The following HTR4 variants were observed in gnomAD, a reference collection of about 807,000 sequenced individuals.
The protein encoded by HTR4 is 5-hydroxytryptamine receptor 4.
A neutral mutation model predicts 36.8 loss-of-function variants in HTR4; 16 were observed. The observed-to-expected ratio is 0.43, with a 90% CI of 0.29 to 0.66. HTR4 has a LOEUF of 0.66. HTR4 is among the 30% of genes least tolerant of loss of function. The pLI is 0.13. For missense variants in HTR4, 438 were observed against 490.9 expected (o/e 0.89, Z 1.02); for synonymous variants, 189 against 185.1 (o/e 1.02, Z -0.17).
At chr5:148,577,813 A>G (rs1760984935) in intron 2 of HTR4, among the ~76,000 whole-genome samples, 1 of 151,990 alleles carries the variant, frequency 6.6e-6, no homozygotes, top group African/African-American at 2.4e-5. Flanking sequence ...ACTGGGGTCT[A>G]CTTGAGGGTG....
chr5:148,529,011 G>A (rs186997234), intron 4 of HTR4, among the ~76,000 whole-genome samples: 112 of 150,750 alleles, frequency 7.4e-4, no homozygotes, highest in African/African-American at 2.7e-3. Context: ...ACACTTTTGA[G>A]ACAGGAACTG....
intron 4 of HTR4, among the ~76,000 whole-genome samples, chr5:148,535,781 T>A (rs200780241): frequency 6.6e-6 from 1 of 152,104 alleles, no homozygotes; most frequent in Non-Finnish European, 1.5e-5. Context: ...CTGAAAGGGA[T>A]GGGGAGAAAG....
At chr5:148,585,344 T>A (rs1761305953) in intron 2 of HTR4, among the ~76,000 whole-genome samples, 1 of 152,196 alleles carries the variant, frequency 6.6e-6, no homozygotes, top group Non-Finnish European at 1.5e-5. Context: ...TGTAGATTGG[T>A]CATGGAAGGC....
At chr5:148,604,459 C>T (rs1752059010) in intron 2 of HTR4, among the ~76,000 whole-genome samples, 1 of 152,076 alleles carries the variant, frequency 6.6e-6, no homozygotes, top group Non-Finnish European at 1.5e-5. Flanking sequence ...TCTTGCAAAG[C>T]TGAATATACA....
intron 2 of HTR4, among the ~76,000 whole-genome samples, chr5:148,594,469 A>G (rs548073241): frequency 6.6e-6 from 1 of 152,226 alleles, no homozygotes; most frequent in African/African-American, 2.4e-5. Context: ...GACCTTAAAG[A>G]TAATTTAGTT....
exon 6 of HTR4, chr5:148,451,117 T>G (rs201869859): frequency 6.2e-7 from 1 of 1,606,830 alleles, no homozygotes; most frequent in Non-Finnish European, 8.5e-7. Flanking sequence ...TCAGAAGTGA[T>G]GCCAGGGTGA....
intron 6 of HTR4, among the ~76,000 whole-genome samples, chr5:148,499,271 T>G (rs1756828815): frequency 6.6e-6 from 1 of 152,190 alleles, no homozygotes; most frequent in Non-Finnish European, 1.5e-5. Flanking sequence ...AACATTCTTT[T>G]CTGGAATAAT....
Position 148,509,575 on chromosome 5 carries a change from A to G in HTR4, c.957T>C (p.Phe319=). The G allele has an allele frequency of 1.2e-6, 2 of 1,614,078 alleles. No homozygotes were observed. Among genetic ancestry groups the G allele is most frequent in the Non-Finnish European group, 1.7e-6 (2 of 1,179,970 alleles). The change falls in exon 6 of 7, where the codon TTT becomes TTC. Residue 319 remains phenylalanine (F), a synonymous_variant. Transcript: ENST00000377888. The stretch of plus-strand genomic sequence containing the variant: ...AGAGGATGATGAGGAAGGCACGTCT[A>G]AAAGACTTATTCAAGAAGGCGTAGA... The part of the protein sequence containing the change: ...PFLYAFLNKS[F]RRAFLIILCC...
intron 2 of HTR4, among the ~76,000 whole-genome samples, chr5:148,554,851 T>C (rs978166695): frequency 6.6e-6 from 1 of 152,098 alleles, no homozygotes; most frequent in African/African-American, 2.4e-5. Context: ...TCTTTGTGTC[T>C]GTAATGTACT....
chr5:148,460,505 A>G (rs1755247132), intron 5 of HTR4, among the ~76,000 whole-genome samples: 1 of 132,174 alleles, frequency 7.6e-6, no homozygotes. Context: ...GTTGAGAGGA[A>G]AAAAAAATGG....
intron 2 of HTR4, among the ~76,000 whole-genome samples, chr5:148,623,369 T>C (rs1360312793): frequency 5.9e-5 from 9 of 152,090 alleles, no homozygotes; most frequent in Admixed American, 5.9e-4. Flanking sequence ...AGACAATGCC[T>C]GCTCTGTGGG....
At chr5:148,634,768 C>G (rs1240857742) in intron 2 of HTR4, among the ~76,000 whole-genome samples, 2 of 152,148 alleles carry the variant, frequency 1.3e-5, no homozygotes, top group Non-Finnish European at 2.9e-5. Context: ...ATCATGTCTC[C>G]TCCAAACTCC....
intron 4 of HTR4, among the ~76,000 whole-genome samples, chr5:148,536,876 G>C (rs968381561): frequency 6.6e-6 from 1 of 152,030 alleles, no homozygotes; most frequent in South Asian, 2.1e-4. Flanking sequence ...ACTCAACATT[G>C]ACCAAATGGA....
chr5:148,473,946 C>T (rs751874754), downstream of HTR4, among the ~76,000 whole-genome samples: 5 of 152,156 alleles, frequency 3.3e-5, no homozygotes, highest in African/African-American at 4.8e-5. Flanking sequence ...TCCACCGAGA[C>T]GGCTACTATT....
rs867602634 is a variant in HTR4, at chr5:148,644,627, A to T, written c.-47-7566T>A. 9.2e-5 allele frequency: 14 copies of T among 152,180 alleles called. No individual in the cohort carries two copies. In the South Asian group the frequency reaches 1.2e-3, roughly 14 times the overall value. The allele number at this position is 152,180 out of a possible 1,614,324, so 9.4% of individuals were successfully genotyped here. A position where few individuals can be genotyped will look rare whatever the true frequency, so the allele number is the denominator to read the frequency against. On this transcript the variant is annotated intron_variant, in intron 1 of 6. Coordinates refer to ENST00000377888, the MANE Select transcript of HTR4 (RefSeq NM_000870.7). ...TGTGTTATTAAGACACTGAAGCTTA[A>T]TCTCACAGGGAAGCTTTGGGAAATG... is the stretch of plus-strand genomic sequence containing the variant.
In HTR4 at chr5:148,576,738, A is replaced by G. The variant is rs114142712; in HGVS notation, c.27-26476T>C. On this transcript the variant is annotated intron_variant, in intron 2 of 6. Transcript: ENST00000377888. Reference sequence around the variant, plus strand: ...ATGGGGAAAAGACTCCCTATTCAATAAAGGGTGCTGGGATCACTAGCTAGC... The same window carrying G: ...ATGGGGAAAAGACTCCCTATTCAATGAAGGGTGCTGGGATCACTAGCTAGC... Among the ~76,000 whole-genome samples the G allele has an allele frequency of 7.3e-3, 1,112 of 152,276 alleles. 20 individuals are homozygous for G. Among genetic ancestry groups the G allele is most frequent in the African/African-American group, 0.025 (1,058 of 41,572 alleles).
intron 2 of HTR4, among the ~76,000 whole-genome samples, chr5:148,625,211 C>T (rs1267452179): frequency 6.6e-6 from 1 of 152,074 alleles, no homozygotes; most frequent in South Asian, 2.1e-4. Flanking sequence ...GGAGATGATG[C>T]CAATCATGCA....
At chr5:148,624,390 T>C (rs190609197) in intron 2 of HTR4, among the ~76,000 whole-genome samples, 2 of 152,304 alleles carry the variant, frequency 1.3e-5, no homozygotes, top group Admixed American at 1.3e-4. Context: ...CACCCCTTCA[T>C]AGAGTGGTCA....
At chr5:148,644,078 A>C (rs1753804535) in intron 1 of HTR4, among the ~76,000 whole-genome samples, 1 of 152,208 alleles carries the variant, frequency 6.6e-6, no homozygotes, top group Admixed American at 6.5e-5. Context: ...CTGATGTAGT[A>C]GATTTAGAAT....
Sources: gnomAD v4.1 joint callset for allele counts (sites outside exome capture counted in the v4.1 genomes callset) on GRCh38, gnomAD v4.1.1 for gene constraint, MANE v1.5 for transcripts, NCBI Gene and HGNC (gene_info 2026-07-23, HGNC 2026-07-21) for gene names.